Variants in APBB2 observed in about 807,000 individuals in gnomAD.
APBB2 encodes the protein Fe65-like 1.
APBB2 carries 38 observed loss-of-function variants against 82.5 expected under a neutral mutation model. The ratio of observed to expected loss-of-function variants is 0.46; its 90% confidence interval spans 0.36 to 0.60. The LOEUF is 0.60. Ranked by LOEUF, APBB2 falls within the 20% of genes least tolerant of loss-of-function variation. APBB2 has a pLI of 0.00. For synonymous variants in APBB2, 341 were observed against 368.2 expected (o/e 0.93, Z 0.85); for missense variants, 772 against 972.3 (o/e 0.79, Z 2.74).
At chr4:40,912,541 C>T (rs563780477) in intron 10 of APBB2, among the ~76,000 whole-genome samples, 5 of 151,110 alleles carry the variant, frequency 3.3e-5, no homozygotes, top group East Asian at 3.9e-4. Context: ...CGTGCCACTG[C>T]ACTCCAGCCT....
chr4:41,143,351 G>T (rs1759768847), intron 1 of APBB2, among the ~76,000 whole-genome samples: 1 of 152,204 alleles, frequency 6.6e-6, no homozygotes, highest in Admixed American at 6.5e-5. Flanking sequence ...TTATTGAAAA[G>T]GTTTGGCCTA....
At chr4:41,020,025 AAGAGAGGAAGAGACAAAGGAGTC>A (rs1207832679) in intron 5 of APBB2, among the ~76,000 whole-genome samples, 2 of 152,092 alleles carry the variant, frequency 1.3e-5, no homozygotes, top group Non-Finnish European at 2.9e-5. Context: ...GAGAGAAGGA[AAGAGAGGAAGAGACAAAGGAGTC>A]AGAGAGAAAG....
At chr4:41,096,684 GA>G (rs995747358) in intron 3 of APBB2, among the ~76,000 whole-genome samples, 2 of 152,006 alleles carry the variant, frequency 1.3e-5, no homozygotes, top group African/African-American at 2.4e-5. Context: ...CATAATGGGA[GA>G]AAAAAACCTT....
intron 12 of APBB2, among the ~76,000 whole-genome samples, chr4:40,845,527 G>C (rs1306552105): frequency 1.5e-5 from 2 of 130,002 alleles, no homozygotes; most frequent in Admixed American, 1.9e-4. Flanking sequence ...ATTAATATAA[G>C]CCTGAAATAA....
chr4:40,966,482 G>A (rs1003107135), intron 6 of APBB2, among the ~76,000 whole-genome samples: 1 of 152,118 alleles, frequency 6.6e-6, no homozygotes, highest in Non-Finnish European at 1.5e-5. Flanking sequence ...CCTCCTGGGC[G>A]CAGCTACAGC....
chr4:40,982,400 G>GGAAAGAAAGAAAGAAAGAAAGAAA (rs1291191407), intron 6 of APBB2, among the ~76,000 whole-genome samples: 5 of 16,044 alleles, frequency 3.1e-4, no homozygotes, highest in Non-Finnish European at 4.1e-4. Context: ...GGAAAGGAAA[G>GGAAAGAAAGAAAGAAAGAAAGAAA]GAAAGAAAGA....
intron 10 of APBB2, among the ~76,000 whole-genome samples, chr4:40,899,022 TG>T (rs1774514688): frequency 6.6e-6 from 1 of 152,192 alleles, no homozygotes; most frequent in African/African-American, 2.4e-5. Context: ...TATAGACAGA[TG>T]GCTCCTTTCT....
At chr4:41,020,943 C>T (rs1483728525) in intron 5 of APBB2, among the ~76,000 whole-genome samples, 1 of 152,200 alleles carries the variant, frequency 6.6e-6, no homozygotes, top group African/African-American at 2.4e-5. Flanking sequence ...CCAGCGTTTA[C>T]AGGAAAAGGC....
chr4:41,206,792 CA>C (rs1176678587), intron 1 of APBB2, among the ~76,000 whole-genome samples: 1 of 152,106 alleles, frequency 6.6e-6, no homozygotes, highest in Non-Finnish European at 1.5e-5. Context: ...CAAACAATAC[CA>C]CCTAGCAAAT....
Position 41,013,836 on chromosome 4 carries a change from C to A in APBB2, c.582G>T (p.Gln194His). Residue 194 changes from glutamine (Q) to histidine (H), a missense_variant, in exon 6 of 18, where the codon CAG (glutamine) becomes CAT (histidine). Physicochemically the swap from Gln to His is conservative, Grantham distance 24 (BLOSUM62 0). Transcript: ENST00000508593. Reference protein sequence around the residue: ...GTAEEKSQPVQGQASTIIGNG... With the variant: ...GTAEEKSQPVHGQASTIIGNG... ...TCCCAATGATGGTGGAGGCCTGGCC[C>A]TGGACTGGCTGGGATTTCTCTTCCG... 1 of 1,614,212 alleles carries A rather than the reference C, an allele frequency of 6.2e-7. No homozygotes were observed. Among genetic ancestry groups the A allele is most frequent in the Non-Finnish European group, 8.5e-7 (1 of 1,180,040 alleles).
chr4:40,895,541 C>T (rs1310283133), intron 10 of APBB2, among the ~76,000 whole-genome samples: 1 of 152,038 alleles, frequency 6.6e-6, no homozygotes, highest in Non-Finnish European at 1.5e-5. Context: ...AGTCTCAGAC[C>T]AAAGTGTGTT....
chr4:40,875,734 C>A (rs1766715234), intron 12 of APBB2, among the ~76,000 whole-genome samples: 1 of 152,004 alleles, frequency 6.6e-6, no homozygotes. Context: ...AGGGCTCAGA[C>A]TCTGGGAGAG....
At chr4:41,071,428 C>T (rs1161624163) in intron 3 of APBB2, among the ~76,000 whole-genome samples, 1 of 152,192 alleles carries the variant, frequency 6.6e-6, no homozygotes, top group African/African-American at 2.4e-5. Flanking sequence ...CACCTATAAT[C>T]CTAGCACTTT....
intron 2 of APBB2, among the ~76,000 whole-genome samples, chr4:41,133,646 C>G (rs905478167): frequency 2.0e-5 from 3 of 152,188 alleles, no homozygotes; most frequent in Non-Finnish European, 4.4e-5. Context: ...GGATTAACAT[C>G]TACTAGGTAC....
At chr4:41,124,575 C>T (rs1753850857) in intron 2 of APBB2, among the ~76,000 whole-genome samples, 1 of 152,146 alleles carries the variant, frequency 6.6e-6, no homozygotes, top group South Asian at 2.1e-4. Context: ...AAACAGGTGG[C>T]AAGCTGGATT....
chr4:40,982,375 GAAGGAAGGAAGGAAGGA>G (rs1234272279), intron 6 of APBB2, among the ~76,000 whole-genome samples: 245 of 15,142 alleles, frequency 0.016, 27 homozygotes, highest in Non-Finnish European at 0.021. Flanking sequence ...AGGAAGGAAG[GAAGGAAGGAAGGAAGGA>G]AAGGAAAGGA....
chr4:41,120,264 C>T (rs1433677324), intron 2 of APBB2, among the ~76,000 whole-genome samples: 1 of 152,180 alleles, frequency 6.6e-6, no homozygotes, highest in East Asian at 1.9e-4. Context: ...GGCCACCTAT[C>T]TGTTCATGCC....
chr4:40,935,200 AAG>A lies in APBB2; in HGVS notation c.1045-63_1045-62del. 3 of 1,144,318 alleles carry A rather than the reference AAG, an allele frequency of 2.6e-6. No individual in the cohort carries two copies. In the South Asian group the frequency reaches 4.4e-5, roughly 17 times the overall value. 70.9% of individuals were successfully genotyped at this position (1,144,318 alleles called of 1,614,324 possible). Reference sequence around the variant, plus strand: ...ATTGATTTAAAGAAAAAGAAAAGAAAAGAAAAAAAAAAAACACAAGACACTGT... The same window carrying A: ...ATTGATTTAAAGAAAAAGAAAAGAAAAAAAAAAAAAAACACAAGACACTGT... On this transcript the variant is annotated intron_variant, in intron 7 of 17. Transcript: ENST00000508593.
At chr4:40,851,731 T>TAC (rs1759443680) in intron 12 of APBB2, among the ~76,000 whole-genome samples, 1 of 30,002 alleles carries the variant, frequency 3.3e-5, no homozygotes, top group African/African-American at 1.4e-4. Context: ...TATATATATA[T>TAC]ATATATATTT....
Sources: gnomAD v4.1 joint callset for allele counts (sites outside exome capture counted in the v4.1 genomes callset) on GRCh38, gnomAD v4.1.1 for gene constraint, MANE v1.5 for transcripts, NCBI Gene and HGNC (gene_info 2026-07-23, HGNC 2026-07-21) for gene names.